The following BST1 variants were observed in gnomAD, a reference collection of about 807,000 sequenced individuals.
BST1 encodes bone marrow stromal cell antigen 1, also known as ADP-ribosyl cyclase/cyclic ADP-ribose hydrolase 2.
BST1 carries 49 observed loss-of-function variants against 40.6 expected under a neutral mutation model. That is an observed-to-expected ratio of 1.21 (90% confidence interval 0.96 to 1.53). The LOEUF (loss-of-function observed/expected upper bound fraction) is 1.53, where lower values mean the gene tolerates loss of function less well. BST1 is among the 40% of genes most tolerant of loss of function. BST1 has a pLI of 0.00. For synonymous variants in BST1, 157 were observed against 159.3 expected (o/e 0.99, Z 0.11); for missense variants, 423 against 395.9 (o/e 1.07, Z -0.58).
chr4:15,761,385 G>T, the BST1 span, among the ~76,000 whole-genome samples: 1 of 151,984 alleles, frequency 6.6e-6, no homozygotes, highest in African/African-American at 2.4e-5. Flanking sequence ...GAAAGGAAAA[G>T]AAATTAACTG....
At chr4:15,709,535 G>T (rs1335666104) in intron 3 of BST1, among the ~76,000 whole-genome samples, 1 of 152,188 alleles carries the variant, frequency 6.6e-6, no homozygotes, top group Non-Finnish European at 1.5e-5. Flanking sequence ...ATGCTGCAGA[G>T]GGTGGGGAGA....
chr4:15,739,368 GT>G (rs1342523168), downstream of BST1, among the ~76,000 whole-genome samples: 3 of 152,104 alleles, frequency 2.0e-5, no homozygotes, highest in East Asian at 1.9e-4. Context: ...ATATAGTTTT[GT>G]TTTTCCCCCT....
At chr4:15,711,540 A>T (rs1720204960) in intron 3 of BST1, among the ~76,000 whole-genome samples, 1 of 152,158 alleles carries the variant, frequency 6.6e-6, no homozygotes, top group Admixed American at 6.5e-5. Flanking sequence ...GGTCAGCTAG[A>T]CTCACTCACT....
downstream of BST1, among the ~76,000 whole-genome samples, chr4:15,734,511 C>T (rs1721492005): frequency 6.6e-6 from 1 of 151,874 alleles, no homozygotes; most frequent in Non-Finnish European, 1.5e-5. Context: ...AAAATTGTCT[C>T]CTCCACCAGT....
chr4:15,712,667 G>T (rs1307635209), intron 4 of BST1, among the ~76,000 whole-genome samples: 1 of 152,156 alleles, frequency 6.6e-6, no homozygotes, highest in Non-Finnish European at 1.5e-5. Context: ...TTGATTGTTA[G>T]TCAGGGTGAG....
At chr4:15,707,445 T>A (rs937014638) in intron 2 of BST1, 66 bp from the exon 3 acceptor site, 1 of 1,604,160 alleles carries the variant, frequency 6.2e-7, no homozygotes, top group African/African-American at 1.3e-5. Flanking sequence ...GCCTTGATGA[T>A]ATTGTGCCTG....
chr4:15,717,281 T>G (rs1007891197), intron 6 of BST1, among the ~76,000 whole-genome samples: 4 of 152,198 alleles, frequency 2.6e-5, no homozygotes, highest in African/African-American at 9.7e-5. Flanking sequence ...GGAATTCCAC[T>G]TCTGTAAAAA....
intron 8 of BST1, among the ~76,000 whole-genome samples, chr4:15,724,249 T>C (rs533425516): frequency 7.2e-5 from 11 of 152,354 alleles, no homozygotes; most frequent in East Asian, 1.9e-4. Context: ...CAGTTGCACA[T>C]AGTAGGTGCA....
At chr4:15,755,198 G>A in the BST1 span, among the ~76,000 whole-genome samples, 1 of 152,098 alleles carries the variant, frequency 6.6e-6, no homozygotes, top group South Asian at 2.1e-4. Context: ...GAGTGCAGTA[G>A]TGCAATCTCA....
At chr4:15,755,426 C>T in the BST1 span, among the ~76,000 whole-genome samples, 4 of 152,182 alleles carry the variant, frequency 2.6e-5, no homozygotes, top group African/African-American at 7.2e-5. Flanking sequence ...CATGAGCCAC[C>T]GTGCCTGGCG....
the BST1 span, among the ~76,000 whole-genome samples, chr4:15,750,462 GTC>G: frequency 1.3e-5 from 2 of 152,226 alleles, no homozygotes; most frequent in Non-Finnish European, 2.9e-5. Context: ...CTTTTAATAT[GTC>G]TCTGCTTAGA....
chr4:15,740,942 G>C (rs539685571), downstream of BST1, among the ~76,000 whole-genome samples: 2 of 151,830 alleles, frequency 1.3e-5, no homozygotes, highest in African/African-American at 2.4e-5. Context: ...TCCGTGGTTC[G>C]TGAGGGGTCC....
At chr4:15,774,086 C>T in the BST1 span, among the ~76,000 whole-genome samples, 3 of 152,156 alleles carry the variant, frequency 2.0e-5, no homozygotes, top group Non-Finnish European at 4.4e-5. Flanking sequence ...TTCACTATGA[C>T]TGGTGTTCTT....
downstream of BST1, among the ~76,000 whole-genome samples, chr4:15,742,954 G>A (rs1338596947): frequency 1.3e-5 from 2 of 152,258 alleles, no homozygotes. Context: ...AGCTGCAGCA[G>A]AGATGGGATG....
chr4:15,750,165 C>T, the BST1 span, among the ~76,000 whole-genome samples: 1 of 152,106 alleles, frequency 6.6e-6, no homozygotes, highest in African/African-American at 2.4e-5. Flanking sequence ...GCTGGGATTA[C>T]AGGTGCCCAC....
chr4:15,710,796 C>CT lies in BST1; in HGVS notation c.452-1000dup, dbSNP rs374174187. The stretch of plus-strand genomic sequence containing the variant: ...TATGCATACATGCCATATTTTCTTT[C>CT]TTTTTTTTTTTGAAACGGAGTCTCT... On this transcript the variant is annotated intron_variant, in intron 3 of 8. Coordinates refer to ENST00000265016, the MANE Select transcript of BST1 (RefSeq NM_004334.3). Among the ~76,000 whole-genome samples, 69 of 147,962 alleles carry CT rather than the reference C, an allele frequency of 4.7e-4. 1 individual carries two copies. Among genetic ancestry groups the CT allele is most frequent in the East Asian group, 2.3e-3 (12 of 5,114 alleles).
the BST1 span, among the ~76,000 whole-genome samples, chr4:15,747,864 A>T: frequency 6.6e-6 from 1 of 152,040 alleles, no homozygotes; most frequent in East Asian, 1.9e-4. Context: ...TTTTGTAGAG[A>T]TGTGGTCTTG....
chr4:15,743,352 A>G, the BST1 span: 1 of 347,374 alleles, frequency 2.9e-6, no homozygotes. Context: ...AGAGATCATG[A>G]CTTCGGTGGA....
the BST1 span, among the ~76,000 whole-genome samples, chr4:15,760,625 G>C: frequency 6.6e-6 from 1 of 150,974 alleles, no homozygotes; most frequent in Admixed American, 6.6e-5. Context: ...ATAGTTGTCT[G>C]GTAAAAATAT....
Sources: allele counts gnomAD v4.1 joint callset (sites outside exome capture counted in the v4.1 genomes callset), GRCh38; gene constraint gnomAD v4.1.1; transcripts MANE v1.5; gene names NCBI Gene and HGNC (gene_info 2026-07-23, HGNC 2026-07-21).